ZNF583: variants seen among roughly 807,000 people sequenced by gnomAD.
ZNF583 encodes the protein zinc finger protein L3-5.
Under a neutral mutation model 55.3 loss-of-function variants are expected in ZNF583, and 30 were observed. That is an observed-to-expected ratio of 0.54 (90% CI 0.41 to 0.74). The LOEUF (loss-of-function observed/expected upper bound fraction) is 0.74. Among genes scored for constraint, ZNF583 ranks in the 30% least tolerant of loss-of-function variants. The probability of loss-of-function intolerance (pLI) is 0.00; values close to 1 mark genes in which losing one functional copy is unlikely to be tolerated. For synonymous variants in ZNF583, 208 were observed against 220.0 expected (o/e 0.95, Z 0.48); for missense variants, 504 against 664.7 (o/e 0.76, Z 2.66).
chr19:56,419,980 G>A (rs1012975985), intron 4 of ZNF583, among the ~76,000 whole-genome samples: 1 of 151,720 alleles, frequency 6.6e-6, no homozygotes, highest in African/African-American at 2.4e-5. Context: ...CTTTCCTTAA[G>A]TTTACTTTGG....
At chr19:56,405,678 G>C (rs1484313828) in intron 1 of ZNF583, among the ~76,000 whole-genome samples, 1 of 152,152 alleles carries the variant, frequency 6.6e-6, no homozygotes, top group African/African-American at 2.4e-5. Flanking sequence ...GTCTCTGGGG[G>C]CACGTGAGGA....
At chr19:56,412,648 T>C (rs1462706973) in intron 2 of ZNF583, among the ~76,000 whole-genome samples, 1 of 152,238 alleles carries the variant, frequency 6.6e-6, no homozygotes, top group Admixed American at 6.5e-5. Context: ...AGTGGGGTTA[T>C]CAAGAGCTGT....
At chr19:56,416,674 T>A (rs551176456) in intron 4 of ZNF583, among the ~76,000 whole-genome samples, 2 of 150,738 alleles carry the variant, frequency 1.3e-5, no homozygotes, top group East Asian at 3.9e-4. Flanking sequence ...CTAGATAATC[T>A]ACCTTAAACA....
At position 56,427,109 on chromosome 19, in the gene ZNF583, G is replaced by A. The variant is rs1343337975; in HGVS notation, c.*2741G>A. Reference sequence around the variant, plus strand: ...CCCAAAGGATCCCTAGAGAAGTTCAGGCTTGGAGTTGGCTTATGTACAGGC... The same window carrying A: ...CCCAAAGGATCCCTAGAGAAGTTCAAGCTTGGAGTTGGCTTATGTACAGGC... On this transcript the variant is annotated 3_prime_UTR_variant, in exon 5 of 5. Transcript: ENST00000333201. The A allele has an allele frequency of 6.6e-6, 1 of 152,080 alleles. No homozygotes were observed. The highest frequency in any genetic ancestry group is 6.6e-5 in the Admixed American group (1 of 15,262). 9.4% of individuals were successfully genotyped at this position (152,080 alleles called of 1,614,324 possible). A position where few individuals can be genotyped will look rare whatever the true frequency, so the allele number is the denominator to read the frequency against.
chr19:56,416,320 G>A (rs138449470), intron 4 of ZNF583, among the ~76,000 whole-genome samples: 6,980 of 128,404 alleles, frequency 0.054, 345 homozygotes, highest in African/African-American at 0.14. Flanking sequence ...GTGAGACTCC[G>A]TCTCAAAAAA....
At position 56,423,149 on chromosome 19, in the gene ZNF583, C is replaced by G. The variant is rs1266184774; in HGVS notation, c.491C>G (p.Thr164Arg). 1.2e-6 allele frequency: 2 copies of G among 1,612,722 alleles called. No homozygotes were observed. Among genetic ancestry groups the G allele is most frequent in the Non-Finnish European group, 1.7e-6 (2 of 1,179,756 alleles). Reference protein sequence around the residue: ...QNKEYNKSWQTFHQDTIFDIQ... With the variant: ...QNKEYNKSWQRFHQDTIFDIQ... ...AAAGAATATAACAAATCTTGGCAAA[C>G]ATTCCACCAGGATACAATCTTTGAT... is the stretch of plus-strand genomic sequence containing the variant. The change falls in exon 5 of 5, where the codon ACA becomes AGA. Residue 164 changes from threonine to arginine, a missense_variant. Thr to Arg is a moderately conservative substitution (Grantham distance 71). Around this residue, in one of 3 missense-constraint regions of ZNF583, gnomAD observed 204 missense variants for 235.2 expected, o/e 0.87. Transcript: ENST00000333201.
In ZNF583 at chr19:56,427,199, T is replaced by C. The variant is rs968330450; in HGVS notation, c.*2831T>C. On this transcript the variant is annotated 3_prime_UTR_variant, in exon 5 of 5. Coordinates refer to ENST00000333201, the MANE Select transcript of ZNF583 (RefSeq NM_152478.3). ...CCTTTGTATGTGAAAGTTATGTCAG[T>C]AGCCCTTGCCAAAAGCCTCCTCACT... 1.3e-4 allele frequency: 20 copies of C among 152,276 alleles called. No homozygotes were observed. The highest frequency in any genetic ancestry group is 4.6e-4 in the African/African-American group (19 of 41,568). The allele number at this position is 152,276 out of a possible 1,614,324, so 9.4% of individuals were successfully genotyped here. A position where few individuals can be genotyped will look rare whatever the true frequency, so the allele number is the denominator to read the frequency against.
Position 56,415,014 on chromosome 19 carries a change from T to TAA in ZNF583, c.232+586_232+587dup, listed in dbSNP as rs34510402. Reference sequence around the variant, plus strand: ...CTAGGTAACAAAGCAAGAGCCTGTCTAAAAAAAAAAAAAGCCAGGTTATTT... The same window carrying TAA: ...CTAGGTAACAAAGCAAGAGCCTGTCTAAAAAAAAAAAAAAAGCCAGGTTATTT... On this transcript the variant is annotated intron_variant, in intron 4 of 4. Transcript: ENST00000333201. Among the ~76,000 whole-genome samples the TAA allele has an allele frequency of 3.8e-4, 54 of 142,124 alleles. 1 individual carries two copies. The highest frequency in any genetic ancestry group is 8.9e-4 in the South Asian group (4 of 4,476). The allele number at this position is 142,124 out of a possible 152,430, so 93.2% of individuals were successfully genotyped here.
At chr19:56,412,203 C>T (rs757359181) in intron 2 of ZNF583, among the ~76,000 whole-genome samples, 47 of 152,174 alleles carry the variant, frequency 3.1e-4, no homozygotes, top group Non-Finnish European at 6.2e-4. Context: ...TCAGTATGTT[C>T]AGGTGTGTAC....
In ZNF583 at chr19:56,423,650, A is replaced by C; in HGVS notation, c.992A>C (p.Lys331Thr). 6.2e-7 allele frequency: 1 copy of C among 1,614,084 alleles called. No homozygotes were observed. The change falls in exon 5 of 5, where the codon AAG (lysine) becomes ACG (threonine). Residue 331 changes from lysine (K) to threonine (T), a missense_variant. Lys to Thr is a moderately conservative substitution (Grantham distance 78). Coordinates refer to ENST00000333201, the MANE Select transcript of ZNF583 (RefSeq NM_152478.3). The stretch of plus-strand genomic sequence containing the variant: ...CCTTTCGAATGTATTGAATGTGGAA[A>C]GGCCTTTAGTAATGGTTCATTTCTT... ...ERPFECIECG[K>T]AFSNGSFLAQ...
chr19:56,422,849 TGAATTAAA>T (rs2042437148), intron 4 of ZNF583, 34 bp from the exon 5 acceptor site: 1 of 1,463,350 alleles, frequency 6.8e-7, no homozygotes, highest in African/African-American at 1.4e-5. Flanking sequence ...TTTCTTCTAG[TGAATTAAA>T]TACAAAAGTC....
chr19:56,406,806 C>T (rs899219842), intron 1 of ZNF583, among the ~76,000 whole-genome samples: 13 of 151,488 alleles, frequency 8.6e-5, no homozygotes, highest in East Asian at 3.9e-4. Context: ...GGATTACAGG[C>T]GTGAGCCACC....
At position 56,404,611 on chromosome 19, in the gene ZNF583, G is replaced by A. The variant is rs2042116040; in HGVS notation, c.-90+159G>A. ...TGTGTGAGACCATGTGTGACTGTGT[G>A]AGAATTTGAGACCGTGTGTGACAGT... On this transcript the variant is annotated intron_variant, in intron 1 of 4. Transcript: ENST00000333201. The surrounding 1 kb of genome is among the most constrained non-coding windows in gnomAD (Gnocchi z 5.2). 6.6e-6 allele frequency among the ~76,000 whole-genome samples: 1 copy of A among 152,168 alleles called. No homozygotes were observed. The highest frequency in any genetic ancestry group is 2.4e-5 in the African/African-American group (1 of 41,444).
rs2042119279 is a variant in ZNF583 at position 56,404,824 on chromosome 19, T to G, written c.-90+372T>G. The stretch of plus-strand genomic sequence containing the variant: ...GTGTGGGACTGTGTGACACTGTATG[T>G]GCTTAAGACCACGTCACCATGTGTG... On this transcript the variant is annotated intron_variant, in intron 1 of 4. Coordinates refer to ENST00000333201, the MANE Select transcript of ZNF583 (RefSeq NM_152478.3). This position sits in a 1 kb window ranked among gnomAD's most constrained non-coding sequence, Gnocchi z 5.2. Among the ~76,000 whole-genome samples, 1 of 152,204 alleles carries G rather than the reference T, an allele frequency of 6.6e-6. No homozygotes were observed. Among genetic ancestry groups the G allele is most frequent in the Non-Finnish European group, 1.5e-5 (1 of 68,048 alleles).
Position 56,414,401 on chromosome 19 carries a change from T to A in ZNF583, c.193T>A (p.Trp65Arg). 6.2e-7 allele frequency: 1 copy of A among 1,614,080 alleles called. No individual in the cohort carries two copies. The highest frequency in any genetic ancestry group is 8.5e-7 in the Non-Finnish European group (1 of 1,179,996). ...ISLLEQGKEP[W>R]MVKKEGTRGP... ...ATTATTGGAGCAAGGAAAAGAGCCC[T>A]GGATGGTGAAGAAGGAGGGAACAAG... The change falls in exon 4 of 5, where the codon TGG becomes AGG. Residue 65 changes from tryptophan (W) to arginine (R), a missense_variant. Around this residue, in one of 3 missense-constraint regions of ZNF583, gnomAD observed 204 missense variants for 235.2 expected, o/e 0.87. Transcript: ENST00000333201.
rs2042119325 is a variant in ZNF583 at position 56,404,826 on chromosome 19, C to G, written c.-90+374C>G. Reference sequence around the variant, plus strand: ...GTGGGACTGTGTGACACTGTATGTGCTTAAGACCACGTCACCATGTGTGAG... The same window carrying G: ...GTGGGACTGTGTGACACTGTATGTGGTTAAGACCACGTCACCATGTGTGAG... On this transcript the variant is annotated intron_variant, in intron 1 of 4. Transcript: ENST00000333201. This position sits in a 1 kb window ranked among gnomAD's most constrained non-coding sequence, Gnocchi z 5.2. 6.6e-6 allele frequency among the ~76,000 whole-genome samples: 1 copy of G among 152,100 alleles called. No individual in the cohort carries two copies. The highest frequency in any genetic ancestry group is 1.5e-5 in the Non-Finnish European group (1 of 68,016).
intron 4 of ZNF583, among the ~76,000 whole-genome samples, chr19:56,416,588 G>T (rs1053750707): frequency 6.7e-6 from 1 of 150,358 alleles, no homozygotes. Context: ...TAAGGACTAC[G>T]AATTTTCCTC....
chr19:56,419,793 A>G (rs946445748), intron 4 of ZNF583, among the ~76,000 whole-genome samples: 1 of 152,110 alleles, frequency 6.6e-6, no homozygotes, highest in Non-Finnish European at 1.5e-5. Context: ...GAGTTTTTCA[A>G]TTTATTAATG....
chr19:56,408,426 G>A (rs2042188260), intron 2 of ZNF583, among the ~76,000 whole-genome samples: 1 of 152,200 alleles, frequency 6.6e-6, no homozygotes, highest in Non-Finnish European at 1.5e-5. Flanking sequence ...GCATGACTGA[G>A]AAACTGAATT....
Sources: allele counts gnomAD v4.1 joint callset (sites outside exome capture counted in the v4.1 genomes callset), GRCh38; gene constraint gnomAD v4.1.1; regional missense constraint gnomAD v4.1.1; non-coding constraint Gnocchi (gnomAD v3.1); transcripts MANE v1.5; gene names NCBI Gene and HGNC (gene_info 2026-07-23, HGNC 2026-07-21).